ZNF581: variants seen among roughly 807,000 people sequenced by gnomAD.
ZNF581 encodes the protein zinc finger protein 581.
ZNF581 carries 1 observed loss-of-function variant against 1.2 expected under a neutral mutation model. The ratio of observed to expected loss-of-function variants is 0.83; its 90% CI spans 0.30 to 3.95. The LOEUF is 3.95. Ranked by LOEUF, ZNF581 falls within the 30% of genes most tolerant of loss-of-function variation. The pLI is 0.18. For synonymous variants in ZNF581, 105 were observed against 109.2 expected, an observed-to-expected ratio of 0.96 and a Z score of 0.24; for missense variants, 273 against 274.6, an observed-to-expected ratio of 0.99 and a Z score of 0.04.
upstream of ZNF581, chr19:55,642,138 G>C (rs912890437): frequency 1.9e-5 from 20 of 1,026,742 alleles, no homozygotes; most frequent in Non-Finnish European, 2.0e-5. Flanking sequence ...CGGGGTCTAA[G>C]ATGTAAAGAG....
At chr19:55,642,352 G>C (rs1982557802), upstream of ZNF581, 1 of 1,273,098 alleles carries the variant, frequency 7.9e-7, no homozygotes, top group South Asian at 2.8e-5. Context: ...AGCCGGGCTG[G>C]AGTCACAGTT....
upstream of ZNF581, chr19:55,641,158 C>T (rs998318933): frequency 4.1e-6 from 4 of 985,320 alleles, no homozygotes; most frequent in Non-Finnish European, 4.8e-6. Context: ...GCCCGTTCCT[C>T]CGGACCCGAG....
At chr19:55,639,442 T>A (rs1202892423), upstream of ZNF581, among the ~76,000 whole-genome samples, 2 of 152,190 alleles carry the variant, frequency 1.3e-5, no homozygotes, top group Admixed American at 1.3e-4. Flanking sequence ...AGTGAGACTC[T>A]GTCTCAAAAA....
upstream of ZNF581, chr19:55,641,264 C>A: frequency 1.1e-6 from 1 of 890,660 alleles, no homozygotes; most frequent in Non-Finnish European, 1.3e-6. Context: ...GCGCTGGAGC[C>A]ACCCGGGATG....
upstream of ZNF581, chr19:55,642,425 G>T (rs1982564142): frequency 7.2e-7 from 1 of 1,396,458 alleles, no homozygotes; most frequent in African/African-American, 1.5e-5. Context: ...TAGTGGGGAT[G>T]CTTTCCATTT....
exon 1 of ZNF581, chr19:55,635,566 G>A (rs1982044233): frequency 1.5e-6 from 1 of 649,688 alleles, no homozygotes; most frequent in East Asian, 1.4e-4. Flanking sequence ...CAGCCTCGCT[G>A]GACCGTTGAG....
upstream of ZNF581, chr19:55,642,382 A>T (rs1043768820): frequency 7.7e-7 from 1 of 1,300,086 alleles, no homozygotes; most frequent in African/African-American, 1.6e-5. Flanking sequence ...CTAGGGAGGT[A>T]GTCAGTGGCG....
upstream of ZNF581, among the ~76,000 whole-genome samples, chr19:55,638,431 G>A (rs1600037346): frequency 1.3e-5 from 2 of 152,086 alleles, no homozygotes; most frequent in African/African-American, 4.8e-5. Flanking sequence ...TAGAGACCAG[G>A]TTACACCGTG....
upstream of ZNF581, among the ~76,000 whole-genome samples, chr19:55,637,690 C>T (rs967428045): frequency 1.3e-5 from 2 of 152,144 alleles, no homozygotes; most frequent in African/African-American, 4.8e-5. Context: ...GGCTTGCTGA[C>T]AGGGGTCATG....
upstream of ZNF581, chr19:55,642,509 ATGC>A (rs1176276730): frequency 9.7e-6 from 14 of 1,437,914 alleles, no homozygotes; most frequent in Admixed American, 2.8e-5. Context: ...GCCGCTCCAG[ATGC>A]TGCTGCTGCC....
upstream of ZNF581, among the ~76,000 whole-genome samples, chr19:55,639,006 CAAAAAAAAAA>C (rs753198174): frequency 2.3e-4 from 20 of 88,200 alleles, no homozygotes; most frequent in African/African-American, 4.4e-4. Context: ...ACTCCATCTC[CAAAAAAAAAA>C]AAAAAAAAGA....
upstream of ZNF581, among the ~76,000 whole-genome samples, chr19:55,639,006 C>CAAAAAAAAAAAAA (rs753198174): frequency 3.4e-5 from 3 of 88,186 alleles, no homozygotes; most frequent in Non-Finnish European, 6.0e-5. Context: ...ACTCCATCTC[C>CAAAAAAAAAAAAA]AAAAAAAAAA....
At chr19:55,643,013 G>C (rs1169394267), upstream of ZNF581, 46 of 1,362,882 alleles carry the variant, frequency 3.4e-5, no homozygotes, top group Admixed American at 1.9e-3. Context: ...GGCGCAGCAC[G>C]TGCGCCTCCA....
upstream of ZNF581, chr19:55,642,939 C>G: frequency 6.9e-7 from 1 of 1,450,398 alleles, no homozygotes; most frequent in Non-Finnish European, 9.1e-7. Flanking sequence ...ACGCACCGCG[C>G]CCGCGCCGGG....
chr19:55,640,205 CCGAGTGCTGCCG>C (rs1982364622), upstream of ZNF581: 1 of 985,340 alleles, frequency 1.0e-6, no homozygotes, highest in South Asian at 4.7e-5. Context: ...TGCAGCTGCC[CCGAGTGCTGCCG>C]CGTGTGCAGC....
upstream of ZNF581, among the ~76,000 whole-genome samples, chr19:55,639,274 G>A (rs1024505493): frequency 1.3e-5 from 2 of 152,100 alleles, no homozygotes; most frequent in Non-Finnish European, 2.9e-5. Flanking sequence ...CACAGGATGG[G>A]CCCCCACAAC....
upstream of ZNF581, chr19:55,640,895 C>T (rs1600042887): frequency 1.0e-6 from 1 of 985,308 alleles, no homozygotes; most frequent in Admixed American, 6.1e-5. Flanking sequence ...CAGTGGACCC[C>T]ACGCCTCCGG....
At chr19:55,643,168 A>C, upstream of ZNF581, 1 of 1,233,910 alleles carries the variant, frequency 8.1e-7, no homozygotes, top group Non-Finnish European at 1.0e-6. Context: ...CCACCTTCCA[A>C]AGGGAGGAGC....
upstream of ZNF581, chr19:55,641,005 T>G: frequency 3.0e-6 from 3 of 985,220 alleles, no homozygotes; most frequent in Non-Finnish European, 3.6e-6. Context: ...GGCCGGCGCC[T>G]TTTCCCAGGG....
Sources: gnomAD v4.1 joint callset for allele counts (sites outside exome capture counted in the v4.1 genomes callset) on GRCh38, gnomAD v4.1.1 for gene constraint, MANE v1.5 for transcripts, NCBI Gene and HGNC (gene_info 2026-07-23, HGNC 2026-07-21) for gene names.